The following CNDP2 variants were observed in gnomAD, a reference collection of about 807,000 sequenced individuals.
CNDP2 encodes the protein cytosolic non-specific dipeptidase.
Under a neutral mutation model 55.0 loss-of-function variants are expected in CNDP2, and 38 were observed. That is an observed-to-expected ratio of 0.69 (90% CI 0.53 to 0.90). The LOEUF (loss-of-function observed/expected upper bound fraction) is 0.90, where lower values mean the gene tolerates loss of function less well. Ranked by LOEUF, CNDP2 falls within the 40% of genes least tolerant of loss-of-function variation. The pLI is 0.00. For synonymous variants in CNDP2, 241 were observed against 260.2 expected (o/e 0.93, Z 0.71); for missense variants, 607 against 621.7 (o/e 0.98, Z 0.25).
chr18:74,518,799 C>A, intron 10 of CNDP2, 150 bp from the exon 11 acceptor site: 1 of 1,419,342 alleles, frequency 7.0e-7, no homozygotes, highest in Non-Finnish European at 9.7e-7. Context: ...GTGGGATGAG[C>A]CTGGACCCCT....
chr18:74,512,974 G>A (rs909860571), intron 7 of CNDP2, among the ~76,000 whole-genome samples: 2 of 152,158 alleles, frequency 1.3e-5, no homozygotes, highest in Admixed American at 6.5e-5. Flanking sequence ...TGCTGTTCCC[G>A]GTGTCCTCCT....
At position 74,518,486 on chromosome 18, in the gene CNDP2, A is replaced by G. The variant is rs1239676795; in HGVS notation, c.1069-13A>G. The G allele has an allele frequency of 5.0e-6, 8 of 1,614,056 alleles. No individual in the cohort carries two copies. Among genetic ancestry groups the G allele is most frequent in the Admixed American group, 3.3e-5 (2 of 60,020 alleles). Reference sequence around the variant, plus strand: ...ATAAAGCATTGTATACCTCTATTCTATTTGTGGTTTAGGTCACAAGCTACC... The same window carrying G: ...ATAAAGCATTGTATACCTCTATTCTGTTTGTGGTTTAGGTCACAAGCTACC... On this transcript the variant is annotated splice_polypyrimidine_tract_variant and intron_variant, in intron 9 of 11. Coordinates refer to ENST00000324262, the MANE Select transcript of CNDP2 (RefSeq NM_018235.3).
intron 1 of CNDP2, chr18:74,498,116 T>C (rs1978505791): frequency 3.3e-5 from 5 of 152,172 alleles, no homozygotes; most frequent in African/African-American, 9.7e-5. Flanking sequence ...TCTCTTTTAG[T>C]GAAAGTCGTA....
At chr18:74,511,035 G>A (rs1339989506) in intron 6 of CNDP2, 22 bp downstream of exon 6, 1 of 1,598,070 alleles carries the variant, frequency 6.3e-7, no homozygotes, top group Non-Finnish European at 8.6e-7. Context: ...AGCTGTACGG[G>A]TCACTTCTTT....
At chr18:74,511,701 CCACTT>C (rs1255666922) in intron 6 of CNDP2, among the ~76,000 whole-genome samples, 6 of 143,832 alleles carry the variant, frequency 4.2e-5, no homozygotes, top group Non-Finnish European at 9.2e-5. Flanking sequence ...GAGCGAGACT[CCACTT>C]CAAAAAAAAA....
chr18:74,510,904 C>A lies in CNDP2; in HGVS notation c.548C>A (p.Thr183Lys), dbSNP rs907469842. 6.8e-6 allele frequency: 11 copies of A among 1,614,152 alleles called. No individual in the cohort carries two copies. Among genetic ancestry groups the A allele is most frequent in the Non-Finnish European group, 7.6e-6 (9 of 1,180,000 alleles). Reference protein sequence around the residue: ...LDELIFARKDTFFKDVDYVCI... With the variant: ...LDELIFARKDKFFKDVDYVCI... ...GAGCTGATTTTTGCCCGGAAAGACA[C>A]ATTCTTTAAGGATGTGGACTATGTC... The change falls in exon 6 of 12, where the codon ACA (threonine) becomes AAA (lysine). Residue 183 changes from threonine (T) to lysine (K), a missense_variant. Coordinates refer to ENST00000324262, the MANE Select transcript of CNDP2 (RefSeq NM_018235.3).
intron 3 of CNDP2, 24 bp downstream of exon 3, chr18:74,501,496 T>G (rs953496315): frequency 6.2e-7 from 1 of 1,607,764 alleles, no homozygotes; most frequent in Non-Finnish European, 8.5e-7. Context: ...TTCTTTGCAT[T>G]GCAGGACCGT....
chr18:74,498,282 C>G (rs1488998847), intron 1 of CNDP2, among the ~76,000 whole-genome samples: 1 of 152,054 alleles, frequency 6.6e-6, no homozygotes, highest in East Asian at 1.9e-4. Flanking sequence ...ATGGTGTAGC[C>G]TATTGCTCCT....
Position 74,505,921 on chromosome 18 carries a change from A to G in CNDP2, c.277A>G (p.Thr93Ala). 4 of 1,612,186 alleles carry G rather than the reference A, an allele frequency of 2.5e-6. No homozygotes were observed. Among genetic ancestry groups the G allele is most frequent in the Non-Finnish European group, 3.4e-6 (4 of 1,179,382 alleles). ...GCTGGGCTCCGACCCACAGAAGAAG[A>G]CCGTGTGCATTTACGGGCACCTGGA... Reference protein sequence around the residue: ...GRLGSDPQKKTVCIYGHLDVQ... With the variant: ...GRLGSDPQKKAVCIYGHLDVQ... Residue 93 changes from threonine to alanine, a missense_variant, in exon 4 of 12, where the codon ACC becomes GCC. By Grantham distance (58) the Thr-to-Ala change is moderately conservative. Coordinates refer to ENST00000324262, the MANE Select transcript of CNDP2 (RefSeq NM_018235.3).
At chr18:74,503,844 C>T (rs1351707859) in intron 3 of CNDP2, among the ~76,000 whole-genome samples, 3 of 123,230 alleles carry the variant, frequency 2.4e-5, no homozygotes, top group Admixed American at 8.6e-5. Flanking sequence ...CGTCAGGCCA[C>T]ACGCCACACA....
intron 6 of CNDP2, 45 bp from the exon 7 acceptor site, chr18:74,512,403 G>A: frequency 1.3e-6 from 2 of 1,512,088 alleles, no homozygotes; most frequent in Non-Finnish European, 9.1e-7. Context: ...ATAAAAATAA[G>A]CTCCCACTAG....
chr18:74,501,292 T>C, intron 2 of CNDP2, 37 bp from the exon 3 acceptor site: 1 of 1,598,086 alleles, frequency 6.3e-7, no homozygotes, highest in Non-Finnish European at 8.5e-7. Context: ...CAAGGACACC[T>C]TTTCAGAATC....
intron 8 of CNDP2, 36 bp downstream of exon 8, chr18:74,513,755 G>A: frequency 6.3e-7 from 1 of 1,599,392 alleles, no homozygotes; most frequent in Non-Finnish European, 8.5e-7. Context: ...ACCTGCCCAG[G>A]CCACGCTGTG....
chr18:74,501,248 G>GA, intron 2 of CNDP2, 81 bp from the exon 3 acceptor site: 1 of 1,533,876 alleles, frequency 6.5e-7, no homozygotes, highest in Admixed American at 2.0e-5. Flanking sequence ...GGTGAGCCTG[G>GA]AATGTGGCAA....
rs201407255 is a variant in CNDP2 at position 74,512,441 on chromosome 18, C to T, written c.658-7C>T. On this transcript the variant is annotated splice_region_variant and splice_polypyrimidine_tract_variant and intron_variant, in intron 6 of 11. Transcript: ENST00000324262. ...AGCCAGACACAGTGGCCTTTGTTTC[C>T]GTGCAGGTGGAGTGCAGCAACAAAG... 143 of 1,610,562 alleles carry T rather than the reference C, an allele frequency of 8.9e-5. No homozygotes were observed. The East Asian group carries it at 2.0e-3, about 22-fold the overall frequency.
chr18:74,497,412 A>G (rs1444686724), intron 1 of CNDP2: 1 of 152,098 alleles, frequency 6.6e-6, no homozygotes, highest in Non-Finnish European at 1.5e-5. Context: ...GAACTAGAAG[A>G]CTCATTTGTG....
chr18:74,517,592 G>T (rs1979756895), intron 9 of CNDP2: 1 of 152,118 alleles, frequency 6.6e-6, no homozygotes, highest in Admixed American at 6.5e-5. Context: ...AGCGACTCGG[G>T]CAAGAGGCAG....
At chr18:74,511,600 C>T (rs1433602631) in intron 6 of CNDP2, among the ~76,000 whole-genome samples, 1 of 151,296 alleles carries the variant, frequency 6.6e-6, no homozygotes, top group African/African-American at 2.4e-5. Flanking sequence ...CCCAGCTACT[C>T]GGGAGGCTGA....
At chr18:74,505,546 C>A (rs1236745195) in intron 3 of CNDP2, among the ~76,000 whole-genome samples, 1 of 150,708 alleles carries the variant, frequency 6.6e-6, no homozygotes, top group Non-Finnish European at 1.5e-5. Flanking sequence ...TTGCAATGAG[C>A]TGGGATCACG....
Sources: gnomAD v4.1 joint callset for allele counts (sites outside exome capture counted in the v4.1 genomes callset) on GRCh38, gnomAD v4.1.1 for gene constraint, MANE v1.5 for transcripts, NCBI Gene and HGNC (gene_info 2026-07-23, HGNC 2026-07-21) for gene names.